Variants in STK25 observed in about 807,000 individuals in gnomAD.
The protein encoded by STK25 is serine/threonine kinase 25.
A neutral mutation model predicts 53.8 loss-of-function variants in STK25; 29 were observed. The ratio of observed to expected loss-of-function variants is 0.54; its 90% CI spans 0.40 to 0.74. The LOEUF is 0.74. Ranked by LOEUF, STK25 falls within the 30% of genes least tolerant of loss-of-function variation. STK25 has a pLI of 0.00. For missense variants in STK25, 420 were observed against 568.0 expected, an observed-to-expected ratio of 0.74 and a Z score of 2.65; for synonymous variants, 247 against 238.3, an observed-to-expected ratio of 1.04 and a Z score of -0.33.
Position 241,494,257 on chromosome 2 carries a change from G to A in STK25, c.*1405C>T, listed in dbSNP as rs1190677490. On this transcript the variant is annotated 3_prime_UTR_variant, in exon 12 of 12. Coordinates refer to ENST00000316586, the MANE Select transcript of STK25 (RefSeq NM_001271977.2). This position sits in a 1 kb window ranked among gnomAD's most constrained non-coding sequence, Gnocchi z 4.9. ...GGATCCCCACTGGCACCAGCAGTGTGGGTGGGCCTCATGTAACATCTGGGA... is the reference window on the plus strand; with the variant it reads ...GGATCCCCACTGGCACCAGCAGTGTAGGTGGGCCTCATGTAACATCTGGGA... 2.1e-5 allele frequency: 10 copies of A among 480,022 alleles called. No homozygotes were observed. The highest frequency in any genetic ancestry group is 3.6e-5 in the Non-Finnish European group (10 of 277,438). The allele number at this position is 480,022 out of a possible 1,614,324, so 29.7% of individuals were successfully genotyped here.
At chr2:241,506,804 G>A (rs920951828) in intron 2 of STK25, among the ~76,000 whole-genome samples, 3 of 152,204 alleles carry the variant, frequency 2.0e-5, no homozygotes, top group Non-Finnish European at 2.9e-5. Flanking sequence ...ACTGGTGGCA[G>A]ATTTTTCTCC....
intron 2 of STK25, among the ~76,000 whole-genome samples, chr2:241,503,094 C>T (rs2065607363): frequency 6.6e-6 from 1 of 152,186 alleles, no homozygotes. Context: ...GATGGCTTCT[C>T]ACTCTGTCAC....
Position 241,507,995 on chromosome 2 carries a change from A to G in STK25, c.30+11T>C, listed in dbSNP as rs2065950707. ...GAGGCCGCTAGTCTTCCTGACCTGC[A>G]CCCTTCTCACCTGGTTGGCAAATCC... is the stretch of plus-strand genomic sequence containing the variant. On this transcript the variant is annotated intron_variant, in intron 2 of 11. Transcript: ENST00000316586. 1 of 1,598,176 alleles carries G rather than the reference A, an allele frequency of 6.3e-7. No individual in the cohort carries two copies. The highest frequency in any genetic ancestry group is 8.5e-7 in the Non-Finnish European group (1 of 1,173,576).
chr2:241,503,917 G>A, intron 2 of STK25: 1 of 432,282 alleles, frequency 2.3e-6, no homozygotes, highest in Non-Finnish European at 4.8e-6. Context: ...CGGAGGAGCT[G>A]GCTGAAGCCA....
chr2:241,499,613 C>CTCCACT (rs1265871605), intron 5 of STK25, 199 bp from the exon 6 acceptor site: 3 of 645,358 alleles, frequency 4.6e-6, no homozygotes, highest in African/African-American at 1.8e-5. Flanking sequence ...AGCCCAACGG[C>CTCCACT]TCCACTCCGA....
At position 241,493,922 on chromosome 2, in the gene STK25, C is replaced by T; in HGVS notation, c.*1740G>A. The T allele has an allele frequency of 1.2e-6, 1 of 856,812 alleles. No homozygotes were observed. Among genetic ancestry groups the T allele is most frequent in the Non-Finnish European group, 1.7e-6 (1 of 586,900 alleles). 53.1% of individuals were successfully genotyped at this position (856,812 alleles called of 1,614,324 possible). A position where few individuals can be genotyped will look rare whatever the true frequency, so the allele number is the denominator to read the frequency against. ...CCAGGTTTTTAACCCTTCTTTTGTC[C>T]TGCTTGTCCCATATCCTGGGTTGTT... On this transcript the variant is annotated 3_prime_UTR_variant, in exon 12 of 12. Coordinates refer to ENST00000316586, the MANE Select transcript of STK25 (RefSeq NM_001271977.2).
Position 241,493,195 on chromosome 2 carries a change from G to A in STK25, c.*2467C>T, listed in dbSNP as rs1213517243. On this transcript the variant is annotated 3_prime_UTR_variant, in exon 12 of 12. Transcript: ENST00000316586. The stretch of plus-strand genomic sequence containing the variant: ...GGGAAACTGGCTCCCTTGGCCCGTG[G>A]GCATTTGTACGTGCCACCGTTGTGC... 3 of 1,407,278 alleles carry A rather than the reference G, an allele frequency of 2.1e-6. No homozygotes were observed. Among genetic ancestry groups the A allele is most frequent in the African/African-American group, 2.8e-5 (2 of 70,774 alleles). The allele number at this position is 1,407,278 out of a possible 1,614,324, so 87.2% of individuals were successfully genotyped here.
At chr2:241,495,958 G>A (rs1412726329) in intron 11 of STK25, among the ~76,000 whole-genome samples, 3 of 152,242 alleles carry the variant, frequency 2.0e-5, no homozygotes, top group Non-Finnish European at 4.4e-5. Flanking sequence ...GCGGCATGGC[G>A]GTTGGACCCT....
At chr2:241,500,832 C>T (rs773762150) in intron 3 of STK25, 36 bp from the exon 4 acceptor site, 21 of 1,609,284 alleles carry the variant, frequency 1.3e-5, no homozygotes, top group Non-Finnish European at 1.8e-5. Context: ...CATTTGGCAG[C>T]AAGAGGAAGG....
chr2:241,500,870 C>A, intron 3 of STK25, 74 bp from the exon 4 acceptor site: 2 of 1,512,252 alleles, frequency 1.3e-6, no homozygotes, highest in Admixed American at 1.8e-5. Flanking sequence ...AGTCACAGGC[C>A]GGAGTCAGCC....
Position 241,496,569 on chromosome 2 carries a change from C to T in STK25, c.1105-35G>A, listed in dbSNP as rs766518403. The T allele has an allele frequency of 1.3e-6, 2 of 1,598,848 alleles. No individual in the cohort carries two copies. The highest frequency in any genetic ancestry group is 1.7e-6 in the Non-Finnish European group (2 of 1,169,546). Reference sequence around the variant, plus strand: ...GACCACCACGCCTGACCCTGGACCCCAGGACAGGCCTTCAGGGAGCCTGCT... The same window carrying T: ...GACCACCACGCCTGACCCTGGACCCTAGGACAGGCCTTCAGGGAGCCTGCT... On this transcript the variant is annotated intron_variant, in intron 10 of 11. Transcript: ENST00000316586. This position sits in a 1 kb window ranked among gnomAD's most constrained non-coding sequence, Gnocchi z 5.8.
intron 2 of STK25, among the ~76,000 whole-genome samples, chr2:241,506,424 C>G (rs145884636): frequency 6.8e-4 from 104 of 152,338 alleles, no homozygotes; most frequent in African/African-American, 2.4e-3. Context: ...CACCTCGGAG[C>G]TCCAATTTCT....
chr2:241,494,876 T>C lies in STK25; in HGVS notation c.*786A>G, dbSNP rs2065064251. 1 of 152,030 alleles carries C rather than the reference T, an allele frequency of 6.6e-6. No homozygotes were observed. Among genetic ancestry groups the C allele is most frequent in the African/African-American group, 2.4e-5 (1 of 41,388 alleles). 9.4% of individuals were successfully genotyped at this position (152,030 alleles called of 1,614,324 possible). On this transcript the variant is annotated 3_prime_UTR_variant, in exon 12 of 12. Coordinates refer to ENST00000316586, the MANE Select transcript of STK25 (RefSeq NM_001271977.2). This position sits in a 1 kb window ranked among gnomAD's most constrained non-coding sequence, Gnocchi z 4.9. ...TCCTCTGCCTGCTCTGTTCTTCCGG[T>C]GGGCCAAGCAGAGCCCAGGAATCCG...
intron 5 of STK25, 166 bp from the exon 6 acceptor site, chr2:241,499,580 GC>G: frequency 1.2e-6 from 1 of 817,602 alleles, no homozygotes; most frequent in Non-Finnish European, 1.9e-6. Context: ...GCCACCTAGG[GC>G]CACAGGGGCA....
Position 241,508,025 on chromosome 2 carries a change from A to C in STK25, c.11T>G (p.Leu4Arg), listed in dbSNP as rs760290254. The change falls in exon 2 of 12, where the codon CTC (leucine) becomes CGC (arginine). Residue 4 changes from leucine (L) to arginine (R), a missense_variant. Coordinates refer to ENST00000316586, the MANE Select transcript of STK25 (RefSeq NM_001271977.2). MAH[L>R]RGFANQHSRV... ...TCTCACCTGGTTGGCAAATCCCCGGAGGTGAGCCATGGCCGCGCCGCCTCA... is the reference window on the plus strand; with the variant it reads ...TCTCACCTGGTTGGCAAATCCCCGGCGGTGAGCCATGGCCGCGCCGCCTCA... 6.9e-6 allele frequency: 11 copies of C among 1,605,070 alleles called. No individual in the cohort carries two copies. The South Asian group carries it at 1.2e-4, about 18-fold the overall frequency.
intron 2 of STK25, among the ~76,000 whole-genome samples, chr2:241,502,720 CAA>C (rs978236075): frequency 1.3e-5 from 2 of 151,522 alleles, no homozygotes; most frequent in African/African-American, 4.9e-5. Context: ...GCCTGGGCAA[CAA>C]GAGCGAAACT....
Position 241,493,510 on chromosome 2 carries a change from C to T in STK25, c.*2152G>A, listed in dbSNP as rs2065007611. The T allele has an allele frequency of 9.2e-6, 14 of 1,521,806 alleles. No homozygotes were observed. In the East Asian group the frequency reaches 2.3e-4, roughly 25 times the overall value. The allele number at this position is 1,521,806 out of a possible 1,614,324, so 94.3% of individuals were successfully genotyped here. A position where few individuals can be genotyped will look rare whatever the true frequency, so the allele number is the denominator to read the frequency against. On this transcript the variant is annotated 3_prime_UTR_variant, in exon 12 of 12. Coordinates refer to ENST00000316586, the MANE Select transcript of STK25 (RefSeq NM_001271977.2). ...GATGTCCGCTCAGCTCCCATTTCTACTCATGGTGGTGGAGGCAAGTTTTCT... is the reference window on the plus strand; with the variant it reads ...GATGTCCGCTCAGCTCCCATTTCTATTCATGGTGGTGGAGGCAAGTTTTCT...
intron 4 of STK25, 24 bp downstream of exon 4, chr2:241,500,716 C>G: frequency 6.2e-7 from 1 of 1,612,882 alleles, no homozygotes; most frequent in Non-Finnish European, 8.5e-7. Context: ...GCATGACCCC[C>G]CACTGCCATG....
intron 11 of STK25, 44 bp from the exon 12 acceptor site, chr2:241,495,745 C>T (rs1209685409): frequency 6.2e-7 from 1 of 1,612,010 alleles, no homozygotes; most frequent in Admixed American, 1.7e-5. Context: ...CACCTCTGTG[C>T]CCAGGCTCCT....
Sources: allele counts gnomAD v4.1 joint callset (sites outside exome capture counted in the v4.1 genomes callset), GRCh38; gene constraint gnomAD v4.1.1; non-coding constraint Gnocchi (gnomAD v3.1); transcripts MANE v1.5; gene names NCBI Gene and HGNC (gene_info 2026-07-23, HGNC 2026-07-21).